CACNA1D: variants seen among roughly 807,000 people sequenced by gnomAD.
CACNA1D encodes the protein voltage-dependent L-type calcium channel subunit alpha-1D.
In CACNA1D, 55 loss-of-function variants were observed where a neutral mutation model predicts 257.1. The ratio of observed to expected loss-of-function variants is 0.21; its 90% CI spans 0.17 to 0.27. The LOEUF (loss-of-function observed/expected upper bound fraction) is 0.27, where lower values mean the gene tolerates loss of function less well. Among genes scored for constraint, CACNA1D ranks in the 10% least tolerant of loss-of-function variants. The probability of loss-of-function intolerance (pLI) is 1.00; values close to 1 mark genes in which losing one functional copy is unlikely to be tolerated. For synonymous variants in CACNA1D, 980 were observed against 1,014.9 expected (o/e 0.97, Z 0.65); for missense variants, 1,876 against 2,784.0 (o/e 0.67, Z 7.34).
rs990511836 is a variant in CACNA1D at position 53,495,513 on chromosome 3, G to C, written c.67+280G>C. 9.2e-5 allele frequency among the ~76,000 whole-genome samples: 14 copies of C among 152,152 alleles called. No individual in the cohort carries two copies. The highest frequency in any genetic ancestry group is 1.5e-4 in the Non-Finnish European group (10 of 68,018). Reference sequence around the variant, plus strand: ...AGGGGCGGCGAGTCGGGGTGATTCGGGTTCAGTGTCCTCGGGCTCAACTTT... The same window carrying C: ...AGGGGCGGCGAGTCGGGGTGATTCGCGTTCAGTGTCCTCGGGCTCAACTTT... On this transcript the variant is annotated intron_variant, in intron 1 of 47. Coordinates refer to ENST00000350061, the MANE Select transcript of CACNA1D (RefSeq NM_001128840.3). This position sits in a 1 kb window ranked among gnomAD's most constrained non-coding sequence, Gnocchi z 5.1.
intron 4 of CACNA1D, 139 bp from the exon 5 acceptor site, chr3:53,659,994 G>C: frequency 2.7e-6 from 2 of 742,136 alleles, no homozygotes; most frequent in Non-Finnish European, 4.5e-6. Context: ...CCACAGCCCA[G>C]TTCTTGTCTT....
At chr3:53,713,543 T>TGA (rs58018190) in intron 9 of CACNA1D, among the ~76,000 whole-genome samples, 10,045 of 120,724 alleles carry the variant, frequency 0.083, 425 homozygotes, top group African/African-American at 0.12. Flanking sequence ...TGTGTGTGTG[T>TGA]GAGAGATTTG....
intron 3 of CACNA1D, among the ~76,000 whole-genome samples, chr3:53,529,896 C>A (rs1214019783): frequency 6.6e-6 from 1 of 152,156 alleles, no homozygotes; most frequent in East Asian, 1.9e-4. Context: ...ATATGAGACT[C>A]ATTTTTTTCC....
intron 7 of CACNA1D, among the ~76,000 whole-genome samples, chr3:53,667,824 T>C (rs2094283210): frequency 6.8e-6 from 1 of 147,690 alleles, no homozygotes; most frequent in Non-Finnish European, 1.5e-5. Flanking sequence ...AGTGTGAGTG[T>C]GTGTGTGTGT....
intron 3 of CACNA1D, among the ~76,000 whole-genome samples, chr3:53,502,853 C>G (rs2090662487): frequency 2.0e-5 from 3 of 152,026 alleles, no homozygotes; most frequent in Admixed American, 2.0e-4. Flanking sequence ...GAAGGGGAGC[C>G]CATTCTGGAT....
chr3:53,649,099 G>A (rs1330633508), intron 3 of CACNA1D, among the ~76,000 whole-genome samples: 1 of 152,174 alleles, frequency 6.6e-6, no homozygotes. Flanking sequence ...GGCACGGCCG[G>A]TGACAGAGGG....
intron 6 of CACNA1D, 69 bp downstream of exon 6, chr3:53,665,881 G>A: frequency 7.8e-7 from 1 of 1,275,032 alleles, no homozygotes; most frequent in Non-Finnish European, 1.1e-6. Flanking sequence ...AACTTTCATG[G>A]TTTGGGGAAA....
chr3:53,543,539 A>G (rs907701038), intron 3 of CACNA1D, among the ~76,000 whole-genome samples: 4 of 152,248 alleles, frequency 2.6e-5, no homozygotes, highest in Non-Finnish European at 5.9e-5. Context: ...CCAGGAATAC[A>G]TCAACCAGCT....
At chr3:53,634,142 T>G (rs959972909) in intron 3 of CACNA1D, among the ~76,000 whole-genome samples, 2 of 152,200 alleles carry the variant, frequency 1.3e-5, no homozygotes, top group African/African-American at 4.8e-5. Context: ...AGCTTTAAAA[T>G]ACAGACTACA....
intron 3 of CACNA1D, among the ~76,000 whole-genome samples, chr3:53,562,939 G>T (rs536775628): frequency 6.6e-6 from 1 of 152,328 alleles, no homozygotes; most frequent in South Asian, 2.1e-4. Context: ...AAGGCTGAAT[G>T]GAATGTCACA....
intron 3 of CACNA1D, among the ~76,000 whole-genome samples, chr3:53,550,134 G>A (rs1040282575): frequency 2.6e-5 from 4 of 152,178 alleles, no homozygotes; most frequent in African/African-American, 9.7e-5. Flanking sequence ...AAGGACTGAT[G>A]GGAGAGAGAG....
intron 20 of CACNA1D, among the ~76,000 whole-genome samples, chr3:53,737,984 C>T (rs1406777957): frequency 3.9e-5 from 6 of 152,202 alleles, no homozygotes; most frequent in East Asian, 1.9e-4. Context: ...GCAGCTTACT[C>T]GGCACTGAGG....
At chr3:53,749,635 C>G (rs1344527097) in intron 27 of CACNA1D, among the ~76,000 whole-genome samples, 166 bp downstream of exon 27, 2 of 152,206 alleles carry the variant, frequency 1.3e-5, no homozygotes, top group Non-Finnish European at 2.9e-5. Flanking sequence ...GTCATCACTG[C>G]TGAGCGTTAG....
chr3:53,705,636 C>T (rs146628532), intron 9 of CACNA1D, among the ~76,000 whole-genome samples: 2,801 of 152,250 alleles, frequency 0.018, 39 homozygotes, highest in Non-Finnish European at 0.03. Context: ...CAGTGCTTCC[C>T]GAGTCATCAG....
chr3:53,694,840 G>A (rs1047747020), intron 8 of CACNA1D, among the ~76,000 whole-genome samples: 2 of 152,096 alleles, frequency 1.3e-5, no homozygotes, highest in Admixed American at 6.6e-5. Flanking sequence ...GGGACCCTGG[G>A]CGATGCAGTC....
intron 3 of CACNA1D, among the ~76,000 whole-genome samples, chr3:53,529,406 G>C (rs1178592908): frequency 2.0e-5 from 3 of 152,142 alleles, no homozygotes; most frequent in Non-Finnish European, 4.4e-5. Flanking sequence ...TGATTTTCTA[G>C]TATTTTAGCA....
chr3:53,717,139 A>G (rs902747816), intron 9 of CACNA1D, among the ~76,000 whole-genome samples: 2 of 152,244 alleles, frequency 1.3e-5, no homozygotes, highest in African/African-American at 2.4e-5. Context: ...TAAGGTCTGT[A>G]AAAACAGTCA....
At chr3:53,638,044 T>C (rs936260035) in intron 3 of CACNA1D, among the ~76,000 whole-genome samples, 1 of 152,220 alleles carries the variant, frequency 6.6e-6, no homozygotes, top group African/African-American at 2.4e-5. Context: ...GTCGGCACAC[T>C]CAGTGGGAAA....
chr3:53,757,160 C>G (rs1262722195), intron 29 of CACNA1D, among the ~76,000 whole-genome samples: 1 of 152,104 alleles, frequency 6.6e-6, no homozygotes, highest in Non-Finnish European at 1.5e-5. Flanking sequence ...AAGAGTAGAG[C>G]TTCTTCATGA....
Sources: allele counts gnomAD v4.1 joint callset (sites outside exome capture counted in the v4.1 genomes callset), GRCh38; gene constraint gnomAD v4.1.1; non-coding constraint Gnocchi (gnomAD v3.1); transcripts MANE v1.5; gene names NCBI Gene and HGNC (gene_info 2026-07-23, HGNC 2026-07-21).